Variants in MICU1 observed in about 807,000 individuals in gnomAD.
MICU1 encodes the protein mitochondrial calcium uptake 1, also known as calcium uptake protein 1, mitochondrial.
In MICU1, 45 loss-of-function variants were observed where a neutral mutation model predicts 56.8. The ratio of observed to expected loss-of-function variants is 0.79; its 90% CI spans 0.62 to 1.02. The LOEUF (loss-of-function observed/expected upper bound fraction) is 1.02, where lower values mean the gene tolerates loss of function less well. Among genes scored for constraint, MICU1 ranks in the 50% least tolerant of loss-of-function variants. The probability of loss-of-function intolerance (pLI) is 0.00; values close to 1 mark genes in which losing one functional copy is unlikely to be tolerated. For synonymous variants in MICU1, 186 were observed against 195.1 expected (o/e 0.95, Z 0.39); for missense variants, 504 against 587.1 (o/e 0.86, Z 1.46).
chr10:72,573,629 CTT>C (rs1358267803), intron 1 of MICU1, among the ~76,000 whole-genome samples: 2 of 152,042 alleles, frequency 1.3e-5, no homozygotes, highest in Non-Finnish European at 2.9e-5. Flanking sequence ...GCCAATTAAA[CTT>C]TGTAAAATAT....
intron 10 of MICU1, among the ~76,000 whole-genome samples, chr10:72,406,021 A>T (rs528243432): frequency 1.6e-4 from 25 of 151,758 alleles, no homozygotes; most frequent in Admixed American, 4.6e-4. Flanking sequence ...AAAGCCATAA[A>T]TTTTTTTTTA....
At chr10:72,488,536 C>T (rs11000326) in intron 6 of MICU1, among the ~76,000 whole-genome samples, 2,170 of 152,200 alleles carry the variant, frequency 0.014, 52 homozygotes, top group African/African-American at 0.05. Flanking sequence ...TTTGCAGATA[C>T]TATAAATGTC....
chr10:72,527,144 A>G (rs1276108737), intron 5 of MICU1, among the ~76,000 whole-genome samples: 1 of 152,168 alleles, frequency 6.6e-6, no homozygotes, highest in East Asian at 1.9e-4. Flanking sequence ...ACTTTATCAA[A>G]GCAGAAAAGA....
chr10:72,609,896 G>A (rs961976951), intron 1 of MICU1, among the ~76,000 whole-genome samples: 10 of 151,998 alleles, frequency 6.6e-5, no homozygotes, highest in Admixed American at 3.9e-4. Context: ...TTAGCTGGGT[G>A]TGGTGGTGCG....
chr10:72,582,785 A>AG (rs1330570392), intron 1 of MICU1: 1 of 147,624 alleles, frequency 6.8e-6, no homozygotes, highest in Non-Finnish European at 1.5e-5. Context: ...CCTTGTCTCA[A>AG]AAAAAAAAAA....
intron 5 of MICU1, among the ~76,000 whole-genome samples, 182 bp downstream of exon 5, chr10:72,533,564 A>C (rs138189546): frequency 3.2e-4 from 49 of 152,312 alleles, no homozygotes; most frequent in African/African-American, 1.2e-3. Context: ...ACATGGAAAA[A>C]TATAGAACCT....
intron 1 of MICU1, among the ~76,000 whole-genome samples, chr10:72,567,514 C>T (rs992330482): frequency 6.6e-6 from 1 of 151,990 alleles, no homozygotes; most frequent in Non-Finnish European, 1.5e-5. Flanking sequence ...GTGGAGAGGG[C>T]ACAGCTATGT....
chr10:72,533,126 T>A (rs1027694179), intron 5 of MICU1: 7 of 1,289,996 alleles, frequency 5.4e-6, no homozygotes, highest in Non-Finnish European at 6.1e-6. Flanking sequence ...CTTTTCTTTC[T>A]GACCCTGTGT....
intron 10 of MICU1, among the ~76,000 whole-genome samples, chr10:72,376,972 TTGG>T (rs1406358500): frequency 1.3e-5 from 2 of 152,076 alleles, no homozygotes; most frequent in African/African-American, 4.8e-5. Flanking sequence ...GCTTCACGCC[TTGG>T]TGGGTGAATG....
chr10:72,477,725 G>C (rs765829891), intron 6 of MICU1: 19 of 601,716 alleles, frequency 3.2e-5, no homozygotes, highest in Non-Finnish European at 4.0e-5. Flanking sequence ...TAGTCTCTTT[G>C]TTGTAAGTGC....
intron 4 of MICU1, among the ~76,000 whole-genome samples, chr10:72,540,490 AC>A (rs1453168206): frequency 5.3e-5 from 8 of 152,016 alleles, no homozygotes; most frequent in African/African-American, 1.9e-4. Flanking sequence ...CCTGGGAAAC[AC>A]AGTGAGACAC....
chr10:72,391,397 A>C (rs1863065747), intron 10 of MICU1, among the ~76,000 whole-genome samples: 1 of 152,118 alleles, frequency 6.6e-6, no homozygotes, highest in South Asian at 2.1e-4. Context: ...ATGCCACTGC[A>C]CTCCAGCCCA....
At chr10:72,536,813 G>A (rs1839649353) in intron 4 of MICU1, among the ~76,000 whole-genome samples, 2 of 151,958 alleles carry the variant, frequency 1.3e-5, no homozygotes, top group South Asian at 2.1e-4. Context: ...TTCAAAATCG[G>A]GGTGTATCTT....
At chr10:72,625,530 A>G (rs553071549) in intron 1 of MICU1, among the ~76,000 whole-genome samples, 22 of 152,220 alleles carry the variant, frequency 1.4e-4, no homozygotes, top group Non-Finnish European at 2.8e-4. Context: ...AGTAGCCTGC[A>G]CTTTGTATTT....
chr10:72,414,168 C>T (rs79718862), intron 9 of MICU1, among the ~76,000 whole-genome samples: 1,745 of 152,190 alleles, frequency 0.011, 64 homozygotes, highest in East Asian at 0.1. Context: ...AGGACTTGTA[C>T]GCAATGTTCA....
rs377275759 is a variant in MICU1 at position 72,527,953 on chromosome 10, G to A, written c.537+5793C>T. Among the ~76,000 whole-genome samples the A allele has an allele frequency of 9.2e-5, 14 of 152,210 alleles. No individual in the cohort carries two copies. In the South Asian group the frequency reaches 2.9e-3, roughly 32 times the overall value. Reference sequence around the variant, plus strand: ...GCTATTCTCTGTCTCAGCCTCCCAGGTAGCTGGGATTACAGGTGTGCACCA... The same window carrying A: ...GCTATTCTCTGTCTCAGCCTCCCAGATAGCTGGGATTACAGGTGTGCACCA... On this transcript the variant is annotated intron_variant, in intron 5 of 11. Transcript: ENST00000361114.
chr10:72,395,574 C>A (rs1318231373), intron 10 of MICU1, among the ~76,000 whole-genome samples: 2 of 152,190 alleles, frequency 1.3e-5, no homozygotes, highest in African/African-American at 4.8e-5. Context: ...GACACTCCCA[C>A]CCAAATACTG....
intron 6 of MICU1, among the ~76,000 whole-genome samples, chr10:72,491,983 C>T (rs1866672099): frequency 1.3e-5 from 2 of 151,994 alleles, no homozygotes; most frequent in South Asian, 4.2e-4. Context: ...ATGCTTATCC[C>T]CCTCCAAACA....
rs951979700 is a variant in MICU1 at position 72,449,604 on chromosome 10, C to T, written c.933+25496G>A. Among the ~76,000 whole-genome samples, 7 of 152,044 alleles carry T rather than the reference C, an allele frequency of 4.6e-5. No homozygotes were observed. In the East Asian group the frequency reaches 1.2e-3, roughly 25 times the overall value. ...TGTTTTAAATCCTGCAGCAGTAAAG[C>T]GTTTTTTTATTTTTTTCTTTCTGGT... On this transcript the variant is annotated intron_variant, in intron 8 of 11. Transcript: ENST00000361114.
Sources: gnomAD v4.1 joint callset for allele counts (sites outside exome capture counted in the v4.1 genomes callset) on GRCh38, gnomAD v4.1.1 for gene constraint, MANE v1.5 for transcripts, NCBI Gene and HGNC (gene_info 2026-07-23, HGNC 2026-07-21) for gene names.